Variants in TMEM177 observed in about 807,000 individuals in gnomAD.
TMEM177 encodes transmembrane protein 177.
TMEM177 carries 4 observed loss-of-function variants against 14.2 expected under a neutral mutation model. The ratio of observed to expected loss-of-function variants is 0.28; its 90% CI spans 0.14 to 0.64. The LOEUF (loss-of-function observed/expected upper bound fraction) is 0.64. Ranked by LOEUF, TMEM177 falls within the 30% of genes least tolerant of loss-of-function variation. The pLI is 0.82. For synonymous variants in TMEM177, 179 were observed against 174.5 expected, an observed-to-expected ratio of 1.03 and a Z score of -0.20; for missense variants, 344 against 405.2, an observed-to-expected ratio of 0.85 and a Z score of 1.30.
chr2:119,713,829 G>A, the TMEM177 span, among the ~76,000 whole-genome samples: 1 of 152,320 alleles, frequency 6.6e-6, no homozygotes, highest in East Asian at 1.9e-4. Context: ...GTGAGGCCAT[G>A]TCTCCAAAAA....
chr2:119,699,403 T>A, the TMEM177 span, among the ~76,000 whole-genome samples: 1 of 152,082 alleles, frequency 6.6e-6, no homozygotes, highest in African/African-American at 2.4e-5. Flanking sequence ...GTGGCAGGAC[T>A]TTTCCTTAGT....
the TMEM177 span, among the ~76,000 whole-genome samples, chr2:119,696,695 C>T: frequency 2.0e-5 from 3 of 152,150 alleles, no homozygotes; most frequent in Admixed American, 1.3e-4. Flanking sequence ...GAGAAGGTGA[C>T]GATGGAGCAA....
the TMEM177 span, among the ~76,000 whole-genome samples, chr2:119,702,370 T>A: frequency 6.6e-6 from 1 of 152,102 alleles, no homozygotes; most frequent in Non-Finnish European, 1.5e-5. Context: ...TCATGGGGAC[T>A]CCTTGGCTGC....
At chr2:119,708,089 A>G in the TMEM177 span, among the ~76,000 whole-genome samples, 1 of 152,296 alleles carries the variant, frequency 6.6e-6, no homozygotes, top group African/African-American at 2.4e-5. Flanking sequence ...ATCTGACACT[A>G]ATCTCAGGGT....
At chr2:119,707,967 C>T in the TMEM177 span, among the ~76,000 whole-genome samples, 76 of 152,320 alleles carry the variant, frequency 5.0e-4, no homozygotes, top group African/African-American at 1.6e-3. Context: ...GCCATGGCTC[C>T]GGCGCCTCTC....
chr2:119,699,440 C>T, the TMEM177 span, among the ~76,000 whole-genome samples: 2 of 152,140 alleles, frequency 1.3e-5, no homozygotes, highest in Non-Finnish European at 2.9e-5. Flanking sequence ...CTCTTTGTCC[C>T]ACAGCTACGA....
chr2:119,691,822 C>T, the TMEM177 span, among the ~76,000 whole-genome samples: 1 of 152,226 alleles, frequency 6.6e-6, no homozygotes, highest in Non-Finnish European at 1.5e-5. Context: ...CTGGATTAGG[C>T]TCCTCTGAAA....
chr2:119,694,403 T>C, the TMEM177 span, among the ~76,000 whole-genome samples: 1 of 152,110 alleles, frequency 6.6e-6, no homozygotes, highest in Non-Finnish European at 1.5e-5. Context: ...ATAAGGGTGA[T>C]GTTAACTCAC....
chr2:119,685,417 G>A (rs1017651523), downstream of TMEM177, among the ~76,000 whole-genome samples: 2 of 151,620 alleles, frequency 1.3e-5, no homozygotes, highest in African/African-American at 4.9e-5. Context: ...GGAGCTGGGC[G>A]CGCACACACA....
At position 119,681,898 on chromosome 2, in the gene TMEM177, C is replaced by A; in HGVS notation, c.*109C>A. ...CTATAGCTCACGGCCAGAAAAATCA[C>A]TGGCTTTGGAATTAAATAGCTTAGA... On this transcript the variant is annotated 3_prime_UTR_variant, in exon 2 of 2. Transcript: ENST00000272521. 1.0e-6 allele frequency: 1 copy of A among 1,000,608 alleles called. No homozygotes were observed. Among genetic ancestry groups the A allele is most frequent in the Non-Finnish European group, 1.5e-6 (1 of 670,148 alleles). The allele number at this position is 1,000,608 out of a possible 1,614,324, so 62.0% of individuals were successfully genotyped here.
chr2:119,680,806 G>T, intron 1 of TMEM177, 26 bp from the exon 2 acceptor site: 1 of 1,569,592 alleles, frequency 6.4e-7, no homozygotes. Context: ...AGGGAAACTG[G>T]CTGACTTCTC....
At chr2:119,694,356 A>C in the TMEM177 span, among the ~76,000 whole-genome samples, 2 of 151,976 alleles carry the variant, frequency 1.3e-5, no homozygotes, top group African/African-American at 4.8e-5. Flanking sequence ...ACCCACACAC[A>C]CACACCCCTC....
At chr2:119,711,450 G>T in the TMEM177 span, among the ~76,000 whole-genome samples, 1 of 152,270 alleles carries the variant, frequency 6.6e-6, no homozygotes, top group South Asian at 2.1e-4. Flanking sequence ...CAAAGCCCCT[G>T]GCACGTAGGC....
At chr2:119,705,199 A>C in the TMEM177 span, among the ~76,000 whole-genome samples, 1 of 152,202 alleles carries the variant, frequency 6.6e-6, no homozygotes. Flanking sequence ...ACTGCTGTGT[A>C]TGAGGTTTCC....
rs1488156718 is a variant in TMEM177 at position 119,681,375 on chromosome 2, A to G, written c.522A>G (p.Pro174=). The G allele has an allele frequency of 3.7e-6, 6 of 1,613,634 alleles. No homozygotes were observed. The South Asian group carries it at 6.6e-5, about 18-fold the overall frequency. Residue 174 remains proline (P), a synonymous_variant, in exon 2 of 2, where the codon CCA becomes CCG. Transcript: ENST00000272521. ...STTAVHALLA[P]ACLAGTWALG... is the part of the protein sequence containing the mutation. ...CTGCCGTGCACGCCCTGCTGGCCCC[A>G]GCTTGCCTGGCAGGGACCTGGGCAC...
chr2:119,708,850 T>C, the TMEM177 span, among the ~76,000 whole-genome samples: 125,826 of 148,934 alleles, frequency 0.84, 52,139 homozygotes, highest in East Asian at 0.9. Flanking sequence ...CAGCTTGGTA[T>C]TGACTCTTAT....
rs1688901154 is a variant in TMEM177 at position 119,681,500 on chromosome 2, A to G, written c.647A>G (p.Tyr216Cys). 1 of 1,613,824 alleles carries G rather than the reference A, an allele frequency of 6.2e-7. No homozygotes were observed. Among genetic ancestry groups the G allele is most frequent in the African/African-American group, 1.3e-5 (1 of 75,070 alleles). The change falls in exon 2 of 2, where the codon TAC becomes TGC. Residue 216 changes from tyrosine (Y) to cysteine (C), a missense_variant. Tyr to Cys is a radical substitution (Grantham distance 194). Coordinates refer to ENST00000272521, the MANE Select transcript of TMEM177 (RefSeq NM_030577.3). The part of the protein sequence containing the change: ...LVAAVAGFVA[Y>C]AFSQDSLTHA... ...GCAGCAGTGGCAGGCTTTGTGGCCTACGCCTTCTCCCAGGATTCTCTCACT... is the reference window on the plus strand; with the variant it reads ...GCAGCAGTGGCAGGCTTTGTGGCCTGCGCCTTCTCCCAGGATTCTCTCACT...
chr2:119,708,480 T>C, the TMEM177 span, among the ~76,000 whole-genome samples: 1 of 152,192 alleles, frequency 6.6e-6, no homozygotes, highest in Non-Finnish European at 1.5e-5. Context: ...CCATCAAATA[T>C]GCAATCCATA....
At chr2:119,700,062 G>T in the TMEM177 span, 1 of 271,088 alleles carries the variant, frequency 3.7e-6, no homozygotes, top group South Asian at 6.1e-5. Context: ...TACTGAAAAG[G>T]AACAAATTGT....
Sources: gnomAD v4.1 joint callset for allele counts (sites outside exome capture counted in the v4.1 genomes callset) on GRCh38, gnomAD v4.1.1 for gene constraint, MANE v1.5 for transcripts, NCBI Gene and HGNC (gene_info 2026-07-23, HGNC 2026-07-21) for gene names.